ELAC1: variants seen among roughly 807,000 people sequenced by gnomAD.
The protein encoded by ELAC1 is elaC ribonuclease Z 1, also known as zinc phosphodiesterase ELAC protein 1.
Under a neutral mutation model 25.8 loss-of-function variants are expected in ELAC1, and 19 were observed. That is an observed-to-expected ratio of 0.74 (90% CI 0.51 to 1.08). The LOEUF is 1.08. ELAC1 is among the 50% of genes least tolerant of loss of function. The probability of loss-of-function intolerance (pLI) is 0.00; values close to 1 mark genes in which losing one functional copy is unlikely to be tolerated. For synonymous variants in ELAC1, 148 were observed against 160.9 expected (o/e 0.92, Z 0.61); for missense variants, 403 against 434.6 (o/e 0.93, Z 0.65).
Position 50,984,233 on chromosome 18 carries a change from C to G in ELAC1, c.295C>G (p.Leu99Val). The change falls in exon 3 of 4, where the codon CTT (leucine) becomes GTT (valine). Residue 99 changes from leucine to valine, a missense_variant. By Grantham distance (32) the Leu-to-Val change is conservative (BLOSUM62 1). Coordinates refer to ENST00000269466, the MANE Select transcript of ELAC1 (RefSeq NM_018696.3). ...TATTGAAATCTATGGCCCTGTAGGG[C>G]TTCGGGACTTTATCTGGCGAACCAT... Reference protein sequence around the residue: ...QPIEIYGPVGLRDFIWRTMEL... With the variant: ...QPIEIYGPVGVRDFIWRTMEL... The G allele has an allele frequency of 6.2e-7, 1 of 1,614,184 alleles. No homozygotes were observed. Among genetic ancestry groups the G allele is most frequent in the Non-Finnish European group, 8.5e-7 (1 of 1,180,028 alleles).
At chr18:50,983,691 T>TAA (rs35648801) in intron 2 of ELAC1, among the ~76,000 whole-genome samples, 10 of 128,830 alleles carry the variant, frequency 7.8e-5, no homozygotes, top group Admixed American at 7.8e-5. Flanking sequence ...TCTACAAAAT[T>TAA]AAAAAAAAAA....
intron 2 of ELAC1, among the ~76,000 whole-genome samples, chr18:50,978,643 T>C (rs1250745725): frequency 1.3e-5 from 2 of 152,168 alleles, no homozygotes; most frequent in Non-Finnish European, 2.9e-5. Context: ...ATATCATCAC[T>C]GTGTATATGT....
At chr18:50,976,108 T>C (rs553278429) in intron 2 of ELAC1, among the ~76,000 whole-genome samples, 4 of 152,178 alleles carry the variant, frequency 2.6e-5, no homozygotes, top group Non-Finnish European at 5.9e-5. Context: ...CTCTGTAGCA[T>C]AGTAAGATAT....
chr18:50,971,745 A>G (rs1447784415), intron 1 of ELAC1, among the ~76,000 whole-genome samples: 1 of 151,352 alleles, frequency 6.6e-6, no homozygotes. Flanking sequence ...CTGAACCCTT[A>G]TCTTTTATTT....
intron 2 of ELAC1, among the ~76,000 whole-genome samples, chr18:50,980,604 A>T (rs1243781057): frequency 6.6e-6 from 1 of 151,748 alleles, no homozygotes; most frequent in Non-Finnish European, 1.5e-5. Flanking sequence ...CTCTACTGAA[A>T]ATACAAAAAT....
At chr18:50,982,541 GA>G (rs1252136168) in intron 2 of ELAC1, among the ~76,000 whole-genome samples, 1 of 152,222 alleles carries the variant, frequency 6.6e-6, no homozygotes, top group Non-Finnish European at 1.5e-5. Context: ...TTTTGCACTA[GA>G]AATGTGTTAA....
chr18:50,986,448 T>C (rs187432010), intron 3 of ELAC1, among the ~76,000 whole-genome samples, 171 bp from the exon 4 acceptor site: 5 of 152,296 alleles, frequency 3.3e-5, no homozygotes, highest in African/African-American at 1.2e-4. Context: ...CTAATATCAA[T>C]CAACACTGAA....
In ELAC1 at chr18:50,984,262, A is replaced by G; in HGVS notation, c.324A>G (p.Glu108=). Residue 108 remains glutamate, a synonymous_variant, in exon 3 of 4, where the codon GAA becomes GAG. Transcript: ENST00000269466. ...GLRDFIWRTM[E]LSHTELVFHY... ...GGGACTTTATCTGGCGAACCATGGA[A>G]CTCTCTCACACGGAGCTGGTCTTCC... is the stretch of plus-strand genomic sequence containing the variant. 1.9e-6 allele frequency: 3 copies of G among 1,614,096 alleles called. No homozygotes were observed. Among genetic ancestry groups the G allele is most frequent in the Non-Finnish European group, 2.5e-6 (3 of 1,180,022 alleles).
intron 1 of ELAC1, 191 bp downstream of exon 1, chr18:50,968,305 C>T (rs915784411): frequency 6.6e-6 from 1 of 152,170 alleles, no homozygotes; most frequent in African/African-American, 2.4e-5. Context: ...GCCGCCCACC[C>T]AGCCTTTTTC....
At chr18:50,968,406 C>T (rs933508885) in intron 1 of ELAC1, 1 of 152,590 alleles carries the variant, frequency 6.6e-6, no homozygotes, top group African/African-American at 2.4e-5. Flanking sequence ...CTCTTACTCT[C>T]TGCCGCCCGG....
intron 2 of ELAC1, among the ~76,000 whole-genome samples, chr18:50,980,404 CA>C (rs368962461): frequency 1.3e-5 from 2 of 151,238 alleles, no homozygotes; most frequent in South Asian, 2.1e-4. Flanking sequence ...TAAAAGAAAA[CA>C]AAAAAAACAC....
Position 50,987,009 on chromosome 18 carries a change from C to T in ELAC1, c.1016C>T (p.Ala339Val). The part of the protein sequence containing the change: ...TDGIAELKKQ[A>V]ESVLDLQEVT... ...GGCATTGCAGAACTAAAAAAGCAAG[C>T]TGAATCAGTGTTAGATCTCCAAGAA... The change falls in exon 4 of 4, where the codon GCT (alanine) becomes GTT (valine). Residue 339 changes from alanine to valine, a missense_variant. By Grantham distance (64) the Ala-to-Val change is moderately conservative. Coordinates refer to ENST00000269466, the MANE Select transcript of ELAC1 (RefSeq NM_018696.3). 1 of 1,611,468 alleles carries T rather than the reference C, an allele frequency of 6.2e-7. No individual in the cohort carries two copies. Among genetic ancestry groups the T allele is most frequent in the Non-Finnish European group, 8.5e-7 (1 of 1,178,792 alleles).
At chr18:50,972,529 T>G (rs1907695075) in intron 1 of ELAC1, among the ~76,000 whole-genome samples, 1 of 152,216 alleles carries the variant, frequency 6.6e-6, no homozygotes, top group African/African-American at 2.4e-5. Context: ...TCACCCAGGC[T>G]GGAGTGCAAT....
chr18:50,983,875 AAAAC>A (rs1908027774), intron 2 of ELAC1, among the ~76,000 whole-genome samples: 2 of 151,922 alleles, frequency 1.3e-5, no homozygotes, highest in Admixed American at 6.6e-5. Flanking sequence ...AAAACTATTA[AAAAC>A]AAACAAACAA....
At chr18:50,980,876 T>C (rs1311138528) in intron 2 of ELAC1, among the ~76,000 whole-genome samples, 4 of 151,910 alleles carry the variant, frequency 2.6e-5, no homozygotes, top group Non-Finnish European at 1.5e-5. Context: ...AGTCTCAAAC[T>C]GGAATGCAGC....
intron 3 of ELAC1, among the ~76,000 whole-genome samples, chr18:50,985,866 G>GAACT (rs1395891002): frequency 1.3e-5 from 2 of 152,008 alleles, no homozygotes; most frequent in Non-Finnish European, 2.9e-5. Flanking sequence ...GATAAATGTG[G>GAACT]AACTGCCCCT....
At chr18:50,984,071 C>G in intron 2 of ELAC1, 25 bp from the exon 3 acceptor site, 1 of 1,488,998 alleles carries the variant, frequency 6.7e-7, no homozygotes, top group Non-Finnish European at 9.0e-7. Context: ...AATTTCCAAA[C>G]GTATTTCTCT....
chr18:50,986,987 AT>A lies in ELAC1; in HGVS notation c.996del (p.Ile332MetfsTer4). 6.2e-7 allele frequency: 1 copy of A among 1,613,574 alleles called. No individual in the cohort carries two copies. Among genetic ancestry groups the A allele is most frequent in the Non-Finnish European group, 8.5e-7 (1 of 1,179,806 alleles). On this transcript the variant is annotated frameshift_variant, in exon 4 of 4. Coordinates refer to ENST00000269466, the MANE Select transcript of ELAC1 (RefSeq NM_018696.3). LOFTEE classifies it high-confidence loss of function. ...ALAREGETDGIAELKKQAESV... is the reference protein window; with the variant it reads ...ALAREGETDGXAELKKQAESV... ...GGCCAGAGAAGGAGAAACAGATGGC[AT>A]TGCAGAACTAAAAAAGCAAGCTGAA... is the stretch of plus-strand genomic sequence containing the variant.
intron 2 of ELAC1, among the ~76,000 whole-genome samples, chr18:50,981,715 C>T (rs1003543397): frequency 6.6e-6 from 1 of 152,026 alleles, no homozygotes; most frequent in South Asian, 2.1e-4. Context: ...TGCCTCACTT[C>T]GAGTTCACAG....
Sources: allele counts gnomAD v4.1 joint callset (sites outside exome capture counted in the v4.1 genomes callset), GRCh38; gene constraint gnomAD v4.1.1; transcripts MANE v1.5; gene names NCBI Gene and HGNC (gene_info 2026-07-23, HGNC 2026-07-21).